SEL1L: variants seen among roughly 807,000 people sequenced by gnomAD.
The protein encoded by SEL1L is protein sel-1 homolog 1.
SEL1L carries 52 observed loss-of-function variants against 109.8 expected under a neutral mutation model. That is an observed-to-expected ratio of 0.47 (90% confidence interval 0.38 to 0.60). SEL1L has a LOEUF of 0.60. Among genes scored for constraint, SEL1L ranks in the 20% least tolerant of loss-of-function variants. The probability of loss-of-function intolerance (pLI) is 0.00; values close to 1 mark genes in which losing one functional copy is unlikely to be tolerated. For synonymous variants in SEL1L, 373 were observed against 339.6 expected, an observed-to-expected ratio of 1.10 and a Z score of -1.08; for missense variants, 749 against 962.2, an observed-to-expected ratio of 0.78 and a Z score of 2.93.
At chr14:81,533,505 A>G (rs1329288608) in intron 1 of SEL1L, among the ~76,000 whole-genome samples, 170 bp downstream of exon 1, 3 of 152,146 alleles carry the variant, frequency 2.0e-5, no homozygotes. Flanking sequence ...CACCTTCCTA[A>G]ATAGCCCCTT....
At position 81,533,610 on chromosome 14, in the gene SEL1L, C is replaced by T. The variant is rs1403078988; in HGVS notation, c.70+65G>A. On this transcript the variant is annotated intron_variant, in intron 1 of 20. Transcript: ENST00000336735. ...TCCCGAGCCTGGAGTCCCCACGGCC[C>T]CGCCGGCTGTAGAGGCTGGGGGGCG... 1.3e-5 allele frequency: 20 copies of T among 1,534,728 alleles called. No individual in the cohort carries two copies. The South Asian group carries it at 1.8e-4, about 14-fold the overall frequency.
intron 6 of SEL1L, among the ~76,000 whole-genome samples, chr14:81,502,142 G>A (rs2140017545): frequency 6.6e-6 from 1 of 152,150 alleles, no homozygotes. Flanking sequence ...GGATGAAAAG[G>A]TGAAGTTCCA....
intron 3 of SEL1L, among the ~76,000 whole-genome samples, chr14:81,516,513 T>C (rs1884708271): frequency 6.6e-6 from 1 of 152,184 alleles, no homozygotes; most frequent in Non-Finnish European, 1.5e-5. Flanking sequence ...AAGTTACCCA[T>C]TTGTTGTCCC....
chr14:81,502,950 C>A, intron 5 of SEL1L, 67 bp from the exon 6 acceptor site: 1 of 1,285,100 alleles, frequency 7.8e-7, no homozygotes, highest in South Asian at 1.5e-5. Context: ...TTTTTTTGAT[C>A]TACTAAAACG....
At chr14:81,495,319 G>A (rs1211457573) in intron 10 of SEL1L, among the ~76,000 whole-genome samples, 182 bp from the exon 11 acceptor site, 7 of 152,182 alleles carry the variant, frequency 4.6e-5, no homozygotes, top group Non-Finnish European at 7.4e-5. Context: ...ATTTTGAAAA[G>A]TAAAAACGTG....
chr14:81,490,351 A>G lies in SEL1L; in HGVS notation c.1332+37T>C, dbSNP rs777176202. On this transcript the variant is annotated intron_variant, in intron 13 of 20. Transcript: ENST00000336735. The stretch of plus-strand genomic sequence containing the variant: ...ATTCATTTATTAAAATATTAGTAAT[A>G]TGGTACACATTTCAGTACACTGAGA... 4 of 1,436,858 alleles carry G rather than the reference A, an allele frequency of 2.8e-6. No individual in the cohort carries two copies. In the South Asian group the frequency reaches 4.6e-5, roughly 17 times the overall value. 89.0% of individuals were successfully genotyped at this position (1,436,858 alleles called of 1,614,324 possible).
At chr14:81,486,260 A>C (rs1903516940) in intron 17 of SEL1L, 29 bp downstream of exon 17, 1 of 1,611,604 alleles carries the variant, frequency 6.2e-7, no homozygotes, top group African/African-American at 1.3e-5. Flanking sequence ...TACATTCTAA[A>C]CCTAAGGCAG....
chr14:81,490,362 T>C (rs1272352395), intron 13 of SEL1L, 26 bp downstream of exon 13: 1 of 1,550,832 alleles, frequency 6.4e-7, no homozygotes, highest in Non-Finnish European at 8.9e-7. Flanking sequence ...TGGTACACAT[T>C]TCAGTACACT....
chr14:81,529,060 C>A (rs1332983712), intron 1 of SEL1L, among the ~76,000 whole-genome samples: 1 of 152,146 alleles, frequency 6.6e-6, no homozygotes, highest in Non-Finnish European at 1.5e-5. Context: ...TTCATATTCA[C>A]CTACTTTTAG....
intron 3 of SEL1L, among the ~76,000 whole-genome samples, chr14:81,524,082 C>T (rs542098431): frequency 8.3e-4 from 126 of 152,176 alleles, no homozygotes; most frequent in Middle Eastern, 6.8e-3. Flanking sequence ...TCAGGGTAAT[C>T]AAAGACTTGA....
At chr14:81,510,731 AACAATCTGGT>A (rs1884445470) in intron 3 of SEL1L, among the ~76,000 whole-genome samples, 1 of 152,146 alleles carries the variant, frequency 6.6e-6, no homozygotes, top group Non-Finnish European at 1.5e-5. Context: ...GTCTCTCTGA[AACAATCTGGT>A]ACTTCCAAAC....
intron 3 of SEL1L, among the ~76,000 whole-genome samples, chr14:81,507,686 G>A (rs544580469): frequency 1.3e-5 from 2 of 150,190 alleles, no homozygotes; most frequent in East Asian, 3.9e-4. Context: ...AAATTCTCCA[G>A]TACACAGATA....
rs1903111973 is a variant in SEL1L at position 81,474,898 on chromosome 14, C to G, written c.*2074G>C. 1 of 152,138 alleles carries G rather than the reference C, an allele frequency of 6.6e-6. No homozygotes were observed. The highest frequency in any genetic ancestry group is 2.1e-4 in the South Asian group (1 of 4,834). The allele number at this position is 152,138 out of a possible 1,614,324, so 9.4% of individuals were successfully genotyped here. ...CCCATCCAGCCTTAGGTGGCACACACTGTTTTAAGAAATGTTTTCTCAAAG... is the reference window on the plus strand; with the variant it reads ...CCCATCCAGCCTTAGGTGGCACACAGTGTTTTAAGAAATGTTTTCTCAAAG... On this transcript the variant is annotated 3_prime_UTR_variant, in exon 21 of 21. Transcript: ENST00000336735.
intron 3 of SEL1L, among the ~76,000 whole-genome samples, chr14:81,521,090 G>GT (rs1884890436): frequency 6.6e-6 from 1 of 152,150 alleles, no homozygotes; most frequent in South Asian, 2.1e-4. Flanking sequence ...TCTGATTCTT[G>GT]TAAGTTCAAT....
chr14:81,508,645 G>A (rs7401055), intron 3 of SEL1L, among the ~76,000 whole-genome samples: 83,782 of 151,946 alleles, frequency 0.55, 26,633 homozygotes, highest in East Asian at 0.73. Flanking sequence ...CTACTGGGGA[G>A]GCTAAGGCAG....
At chr14:81,527,651 C>A in intron 2 of SEL1L, 50 bp downstream of exon 2, 4 of 1,350,182 alleles carry the variant, frequency 3.0e-6, no homozygotes, top group Non-Finnish European at 4.1e-6. Flanking sequence ...CATAATTCAT[C>A]CTTTTAAATC....
At chr14:81,500,272 C>T (rs763243025) in intron 6 of SEL1L, among the ~76,000 whole-genome samples, 5 of 152,098 alleles carry the variant, frequency 3.3e-5, no homozygotes, top group Non-Finnish European at 5.9e-5. Flanking sequence ...CTTGCTCTGT[C>T]GCCTAGGCTG....
chr14:81,499,772 T>G (rs1428115181), intron 6 of SEL1L, 110 bp from the exon 7 acceptor site: 17 of 733,502 alleles, frequency 2.3e-5, no homozygotes, highest in Non-Finnish European at 3.6e-5. Flanking sequence ...AGTCTTTAAA[T>G]GCTAAAAGAT....
intron 18 of SEL1L, among the ~76,000 whole-genome samples, chr14:81,485,456 T>TG (rs1903491078): frequency 6.6e-6 from 1 of 151,736 alleles, no homozygotes; most frequent in Admixed American, 6.6e-5. Flanking sequence ...TTTTTGTTTT[T>TG]TTTTTTTTTA....
Sources: gnomAD v4.1 joint callset for allele counts (sites outside exome capture counted in the v4.1 genomes callset) on GRCh38, gnomAD v4.1.1 for gene constraint, MANE v1.5 for transcripts, NCBI Gene and HGNC (gene_info 2026-07-23, HGNC 2026-07-21) for gene names.